The following DNAH10 variants were observed in gnomAD, a reference collection of about 807,000 sequenced individuals.
The protein encoded by DNAH10 is dynein axonemal heavy chain 10.
DNAH10 carries 348 observed loss-of-function variants against 506.6 expected under a neutral mutation model. The ratio of observed to expected loss-of-function variants is 0.69; its 90% CI spans 0.63 to 0.75. DNAH10 has a LOEUF of 0.75. Among genes scored for constraint, DNAH10 ranks in the 30% least tolerant of loss-of-function variants. The probability of loss-of-function intolerance (pLI) is 0.00; values close to 1 mark genes in which losing one functional copy is unlikely to be tolerated. For missense variants in DNAH10, 5,179 were observed against 5,787.1 expected, an observed-to-expected ratio of 0.89 and a Z score of 3.41; for synonymous variants, 2,059 against 2,198.6, an observed-to-expected ratio of 0.94 and a Z score of 1.78.
intron 4 of DNAH10, among the ~76,000 whole-genome samples, chr12:123,773,612 G>A (rs753045134): frequency 9.9e-5 from 15 of 152,178 alleles, no homozygotes; most frequent in Non-Finnish European, 2.2e-4. Flanking sequence ...CCACTTCCTG[G>A]TTCACAGATG....
At chr12:123,811,896 C>T (rs1343481757) in intron 19 of DNAH10, among the ~76,000 whole-genome samples, 2 of 152,002 alleles carry the variant, frequency 1.3e-5, no homozygotes, top group African/African-American at 4.8e-5. Flanking sequence ...CTCTGCCTCC[C>T]AAAGTGCTGG....
At position 123,931,734 on chromosome 12, in the gene DNAH10, A is replaced by G; in HGVS notation, c.13015A>G (p.Arg4339Gly). Reference protein sequence around the residue: ...MPKVFDLDQVRKRLGTGLSPT... With the variant: ...MPKVFDLDQVGKRLGTGLSPT... ...CAAAGTCTTTGACTTGGACCAGGTG[A>G]GGAAGCGCCTCGGAACAGGACTCTC... The change falls in exon 75 of 79, where the codon AGG becomes GGG. Residue 4339 changes from arginine to glycine, a missense_variant. Coordinates refer to ENST00000673944, the MANE Select transcript of DNAH10 (RefSeq NM_001372106.1). The G allele has an allele frequency of 6.2e-7, 1 of 1,614,066 alleles. No individual in the cohort carries two copies. Among genetic ancestry groups the G allele is most frequent in the Non-Finnish European group, 8.5e-7 (1 of 1,179,904 alleles).
At chr12:123,851,219 A>G in intron 35 of DNAH10, 143 bp downstream of exon 35, 1 of 867,474 alleles carries the variant, frequency 1.2e-6, no homozygotes, top group Non-Finnish European at 1.6e-6. Flanking sequence ...GCTCTTCCAG[A>G]TGGGACCTAG....
At chr12:123,842,811 GT>G (rs1366575566) in intron 30 of DNAH10, among the ~76,000 whole-genome samples, 5 of 152,182 alleles carry the variant, frequency 3.3e-5, no homozygotes, top group African/African-American at 1.2e-4. Context: ...GAAATAAGTG[GT>G]TTAACAACCA....
At chr12:123,888,568 A>G (rs1566052212) in intron 52 of DNAH10, among the ~76,000 whole-genome samples, 1 of 152,226 alleles carries the variant, frequency 6.6e-6, no homozygotes, top group African/African-American at 2.4e-5. Flanking sequence ...CAGAAGCCAG[A>G]GGAGGCAAAG....
intron 50 of DNAH10, among the ~76,000 whole-genome samples, chr12:123,880,660 T>G (rs891852840): frequency 3.3e-5 from 5 of 151,870 alleles, no homozygotes; most frequent in African/African-American, 1.2e-4. Context: ...TTCTCTTTTT[T>G]TTTTTAATGC....
chr12:123,801,479 G>A (rs1958481278), intron 16 of DNAH10, 47 bp downstream of exon 16: 2 of 1,584,856 alleles, frequency 1.3e-6, no homozygotes, highest in Non-Finnish European at 1.7e-6. Context: ...GGGATGCAAA[G>A]TAATTCTTTT....
intron 53 of DNAH10, 58 bp downstream of exon 53, chr12:123,893,494 A>C (rs1004863171): frequency 6.3e-7 from 1 of 1,595,830 alleles, no homozygotes; most frequent in Non-Finnish European, 8.6e-7. Flanking sequence ...TGTGTGGCTG[A>C]GGGTCTGTCC....
Position 123,929,695 on chromosome 12 carries a change from C to T in DNAH10, c.12548C>T (p.Thr4183Met), listed in dbSNP as rs774898742. Residue 4183 changes from threonine to methionine, a missense_variant, in exon 72 of 79, where the codon ACG becomes ATG. Thr to Met is a moderately conservative substitution (Grantham distance 81). Around this residue, in one of 3 missense-constraint regions of DNAH10, gnomAD observed 4,844 missense variants for 5,430.5 expected, o/e 0.89. Transcript: ENST00000673944. Reference sequence around the variant, plus strand: ...ATGGAAATTCTGAACACGTACTTAACGAAAGCCTTCCAGCAACGGGACCCA... The same window carrying T: ...ATGGAAATTCTGAACACGTACTTAATGAAAGCCTTCCAGCAACGGGACCCA... ...VCMEILNTYL[T>M]KAFQQRDPRI... is the part of the protein sequence containing the mutation. The T allele has an allele frequency of 1.4e-5, 23 of 1,613,476 alleles. No individual in the cohort carries two copies. In the East Asian group the frequency reaches 2.9e-4, roughly 20 times the overall value.
intron 53 of DNAH10, among the ~76,000 whole-genome samples, chr12:123,894,082 C>CTTTTTT (rs558490981): frequency 3.4e-5 from 3 of 89,160 alleles, no homozygotes; most frequent in African/African-American, 1.3e-4. Flanking sequence ...AATGAGCATC[C>CTTTTTT]TTTTTTTTTT....
chr12:123,788,882 G>A (rs1044366678), intron 10 of DNAH10, among the ~76,000 whole-genome samples: 1 of 147,988 alleles, frequency 6.8e-6, no homozygotes, highest in South Asian at 2.1e-4. Flanking sequence ...CCGTGGTCAC[G>A]CCAGTGTACC....
At chr12:123,867,443 C>T in intron 41 of DNAH10, 24 bp from the exon 42 acceptor site, 1 of 1,605,702 alleles carries the variant, frequency 6.2e-7, no homozygotes, top group Non-Finnish European at 8.5e-7. Flanking sequence ...CCTTGAAATG[C>T]TTTGGAATGC....
chr12:123,856,971 A>G, intron 36 of DNAH10, 85 bp from the exon 37 acceptor site: 1 of 906,922 alleles, frequency 1.1e-6, no homozygotes, highest in South Asian at 3.9e-5. Context: ...ATTTCATAAG[A>G]GTGTTACCAC....
rs966264715 is a variant in DNAH10, at chr12:123,873,803, A to T, written c.7938+93A>T. 29 of 1,444,704 alleles carry T rather than the reference A, an allele frequency of 2.0e-5. No individual in the cohort carries two copies. In the East Asian group the frequency reaches 2.5e-4, roughly 13 times the overall value. The allele number at this position is 1,444,704 out of a possible 1,614,324, so 89.5% of individuals were successfully genotyped here. The stretch of plus-strand genomic sequence containing the variant: ...GTGTGTTAGAAGTGAGTATGAGAAC[A>T]TTGATCTTTACCTCTGTGCAATGTC... On this transcript the variant is annotated intron_variant, in intron 46 of 78. Transcript: ENST00000673944.
rs1025177222 is a variant in DNAH10, at chr12:123,796,931, C to T, written c.2163+99C>T. The T allele has an allele frequency of 2.4e-5, 28 of 1,149,056 alleles. No individual in the cohort carries two copies. The Admixed American group carries it at 4.2e-4, about 17-fold the overall frequency. 71.2% of individuals were successfully genotyped at this position (1,149,056 alleles called of 1,614,324 possible). The stretch of plus-strand genomic sequence containing the variant: ...TGTCGCCCAGGCTGGAGTGCAGTGG[C>T]GCAATCTCGGCTCACTGCAACCTCC... On this transcript the variant is annotated intron_variant, in intron 13 of 78. Coordinates refer to ENST00000673944, the MANE Select transcript of DNAH10 (RefSeq NM_001372106.1).
intron 21 of DNAH10, among the ~76,000 whole-genome samples, chr12:123,818,071 C>T (rs1372905172): frequency 2.0e-5 from 3 of 151,604 alleles, no homozygotes; most frequent in Non-Finnish European, 2.9e-5. Context: ...GCCTCGGCCT[C>T]CTGAGTAGCT....
intron 59 of DNAH10, among the ~76,000 whole-genome samples, 189 bp downstream of exon 59, chr12:123,910,861 T>A (rs1954034104): frequency 6.6e-6 from 1 of 151,584 alleles, no homozygotes; most frequent in Non-Finnish European, 1.5e-5. Context: ...GTGTGGGTGG[T>A]GGACAAGACC....
rs373522460 is a variant in DNAH10, at chr12:123,913,275, G to A, written c.10312G>A (p.Ala3438Thr). 35 of 1,605,660 alleles carry A rather than the reference G, an allele frequency of 2.2e-5. No homozygotes were observed. Among genetic ancestry groups the A allele is most frequent in the Non-Finnish European group, 2.7e-5 (32 of 1,176,586 alleles). ...AEIMERRLIA[A>T]DKLISGLGSE... ...GATCATGGAGAGGCGGCTGATTGCCGCAGACAAACTCATCTCGGGTCTGGG... is the reference window on the plus strand; with the variant it reads ...GATCATGGAGAGGCGGCTGATTGCCACAGACAAACTCATCTCGGGTCTGGG... Residue 3438 changes from alanine (A) to threonine (T), a missense_variant, in exon 60 of 79, where the codon GCA becomes ACA. Physicochemically the swap from Ala to Thr is moderately conservative, Grantham distance 58. This residue lies in a region of DNAH10 where 4,844 missense variants were observed against 5,430.5 expected (regional missense o/e 0.89). Coordinates refer to ENST00000673944, the MANE Select transcript of DNAH10 (RefSeq NM_001372106.1). This position sits in a 1 kb window ranked among gnomAD's most constrained non-coding sequence, Gnocchi z 5.1.
intron 18 of DNAH10, among the ~76,000 whole-genome samples, chr12:123,807,771 C>T (rs763279442): frequency 3.2e-5 from 3 of 94,594 alleles, no homozygotes; most frequent in South Asian, 7.8e-4. Flanking sequence ...GGAGAGGGAT[C>T]GAGAGAGAGA....
Sources: gnomAD v4.1 joint callset for allele counts (sites outside exome capture counted in the v4.1 genomes callset) on GRCh38, gnomAD v4.1.1 for gene constraint, gnomAD v4.1.1 regional missense constraint, Gnocchi (gnomAD v3.1) non-coding constraint, MANE v1.5 for transcripts, NCBI Gene and HGNC (gene_info 2026-07-23, HGNC 2026-07-21) for gene names.